VSTM2B: variants seen among roughly 807,000 people sequenced by gnomAD.
The protein encoded by VSTM2B is V-set and transmembrane domain containing 2B.
VSTM2B carries 24 observed loss-of-function variants against 24.0 expected under a neutral mutation model. The observed-to-expected ratio is 1.00, with a 90% CI of 0.72 to 1.40. The LOEUF is 1.40. Among genes scored for constraint, VSTM2B ranks in the 40% most tolerant of loss-of-function variants. The probability of loss-of-function intolerance (pLI) is 0.00; values close to 1 mark genes in which losing one functional copy is unlikely to be tolerated. For missense variants in VSTM2B, 399 were observed against 416.4 expected (o/e 0.96, Z 0.36); for synonymous variants, 226 against 194.4 (o/e 1.16, Z -1.35).
rs61731469 is a variant in VSTM2B at position 29,529,845 on chromosome 19, C to T, written c.324C>T (p.Ile108=). 40,632 of 1,550,030 alleles carry T rather than the reference C, an allele frequency of 0.026. 826 individuals are homozygous for T. Among genetic ancestry groups the T allele is most frequent in the African/African-American group, 0.08 (5,861 of 73,138 alleles). Residue 108 remains isoleucine, a synonymous_variant, in exon 4 of 5, where the codon ATC becomes ATT. Transcript: ENST00000335523. ...CCGTACGCGTCCAGGGCAATGACAT[C>T]TCACACCGGCTTCGGCTGTCTGCCG... The part of the protein sequence containing the change: ...ISTVRVQGND[I]SHRLRLSAVR...
At chr19:29,528,650 G>A (rs1219962817) in intron 3 of VSTM2B, among the ~76,000 whole-genome samples, 188 bp downstream of exon 3, 1 of 152,230 alleles carries the variant, frequency 6.6e-6, no homozygotes, top group Non-Finnish European at 1.5e-5. Flanking sequence ...GCAGGGTCGG[G>A]TTCTCTTTTG....
At chr19:29,531,874 G>T (rs560396512) in intron 4 of VSTM2B, among the ~76,000 whole-genome samples, 14 of 152,278 alleles carry the variant, frequency 9.2e-5, no homozygotes, top group Non-Finnish European at 1.9e-4. Flanking sequence ...GCATGTGGCG[G>T]CTCTGTTCCA....
At chr19:29,560,593 G>A (rs79443191) in intron 4 of VSTM2B, among the ~76,000 whole-genome samples, 71 of 152,260 alleles carry the variant, frequency 4.7e-4, no homozygotes, top group African/African-American at 1.7e-3. Context: ...CAGACCCTGG[G>A]TGAACCCTCC....
intron 4 of VSTM2B, among the ~76,000 whole-genome samples, chr19:29,534,906 G>A (rs1054208124): frequency 2.6e-5 from 4 of 152,078 alleles, no homozygotes; most frequent in East Asian, 1.9e-4. Flanking sequence ...GTAATGCCAC[G>A]AAGGAGAGAG....
chr19:29,534,994 C>A (rs1568439383), intron 4 of VSTM2B, among the ~76,000 whole-genome samples: 2 of 152,200 alleles, frequency 1.3e-5, no homozygotes, highest in Admixed American at 1.3e-4. Flanking sequence ...ACATGTGTAC[C>A]TAATACACCC....
rs1969706142 is a variant in VSTM2B at position 29,530,146 on chromosome 19, GC to G, written c.627del (p.Ala210ProfsTer64). On this transcript the variant is annotated frameshift_variant, in exon 4 of 5. Coordinates refer to ENST00000335523, the MANE Select transcript of VSTM2B (RefSeq NM_001146339.2). LOFTEE classifies it high-confidence loss of function. ...GAGCCCGCCGCCCGGGAGCCCTCCC[GC>G]CGCCATCGATCCCGCAGTCCCCGAG... ...DKSPPPGSPPAAIDPAVPEAA... is the reference protein window; with the variant it reads ...DKSPPPGSPPXAIDPAVPEAA... 7 of 1,468,766 alleles carry G rather than the reference GC, an allele frequency of 4.8e-6. No homozygotes were observed. The African/African-American group carries it at 7.4e-5, about 15-fold the overall frequency. 91.0% of individuals were successfully genotyped at this position (1,468,766 alleles called of 1,614,324 possible).
chr19:29,563,636 G>T (rs1349344959), intron 4 of VSTM2B, among the ~76,000 whole-genome samples: 1 of 152,130 alleles, frequency 6.6e-6, no homozygotes, highest in Admixed American at 6.5e-5. Context: ...ATCTCACTAG[G>T]ATCCTAAAGT....
At chr19:29,542,101 G>C (rs1234727199) in intron 4 of VSTM2B, among the ~76,000 whole-genome samples, 2 of 151,368 alleles carry the variant, frequency 1.3e-5, no homozygotes, top group Non-Finnish European at 2.9e-5. Context: ...TGGGTGAATG[G>C]ATGGGAGAAT....
chr19:29,537,395 T>C (rs1023593843), intron 4 of VSTM2B, among the ~76,000 whole-genome samples: 3 of 152,132 alleles, frequency 2.0e-5, no homozygotes, highest in African/African-American at 7.2e-5. Context: ...AGCAGCACCC[T>C]CGGTGACCGC....
chr19:29,548,742 G>A (rs769995475), intron 4 of VSTM2B, among the ~76,000 whole-genome samples: 1 of 152,166 alleles, frequency 6.6e-6, no homozygotes, highest in Non-Finnish European at 1.5e-5. Flanking sequence ...GTGGGAGCTA[G>A]GAGAGCCAGC....
In VSTM2B at chr19:29,557,673, T is replaced by A. The variant is rs527274590; in HGVS notation, c.770-6173T>A. ...GAGATGGTGCCATTGCACTCCAGCC[T>A]GGGCAACAAGAGCAAAACTCCATCT... On this transcript the variant is annotated intron_variant, in intron 4 of 4. Transcript: ENST00000335523. 1.5e-3 allele frequency among the ~76,000 whole-genome samples: 228 copies of A among 148,692 alleles called. 1 individual carries two copies. The highest frequency in any genetic ancestry group is 5.2e-3 in the African/African-American group (210 of 40,144).
rs58540469 is a variant in VSTM2B at position 29,544,525 on chromosome 19, C to CAAAAAAAA, written c.769+14259_769+14266dup. ...TGGGCGAAAGAGCGAGACTCTGTCT[C>CAAAAAAAA]AAAAAAAAAAAAAAAAAAAAAAAAA... On this transcript the variant is annotated intron_variant, in intron 4 of 4. Coordinates refer to ENST00000335523, the MANE Select transcript of VSTM2B (RefSeq NM_001146339.2). Among the ~76,000 whole-genome samples, 32 of 54,358 alleles carry CAAAAAAAA rather than the reference C, an allele frequency of 5.9e-4. 2 individuals are homozygous for CAAAAAAAA. Among genetic ancestry groups the CAAAAAAAA allele is most frequent in the African/African-American group, 2.1e-3 (27 of 12,992 alleles). 35.7% of individuals were successfully genotyped at this position (54,358 alleles called of 152,430 possible).
chr19:29,528,779 G>A (rs921128436), intron 3 of VSTM2B, among the ~76,000 whole-genome samples: 17 of 152,370 alleles, frequency 1.1e-4, no homozygotes, highest in African/African-American at 3.6e-4. Flanking sequence ...CCGCTCTGCG[G>A]GCATTCCTCC....
At chr19:29,556,178 C>T (rs1043528959) in intron 4 of VSTM2B, among the ~76,000 whole-genome samples, 1 of 151,880 alleles carries the variant, frequency 6.6e-6, no homozygotes, top group Non-Finnish European at 1.5e-5. Context: ...AAAATACTGG[C>T]ACACCAAATC....
chr19:29,559,975 C>T (rs1167774531), intron 4 of VSTM2B, among the ~76,000 whole-genome samples: 1 of 152,094 alleles, frequency 6.6e-6, no homozygotes, highest in African/African-American at 2.4e-5. Context: ...ATTCATGTGT[C>T]TATGATCGGC....
intron 4 of VSTM2B, among the ~76,000 whole-genome samples, chr19:29,533,105 G>A (rs1020700966): frequency 1.3e-5 from 2 of 152,322 alleles, no homozygotes; most frequent in South Asian, 2.1e-4. Context: ...CTCATCCAGG[G>A]AAGGTGGGCC....
intron 4 of VSTM2B, among the ~76,000 whole-genome samples, chr19:29,547,294 G>T (rs1970177578): frequency 6.6e-6 from 1 of 152,126 alleles, no homozygotes; most frequent in African/African-American, 2.4e-5. Flanking sequence ...CAGGCCTGGG[G>T]CAAATCACTT....
At chr19:29,542,820 G>A (rs1970056054) in intron 4 of VSTM2B, among the ~76,000 whole-genome samples, 1 of 152,118 alleles carries the variant, frequency 6.6e-6, no homozygotes, top group Non-Finnish European at 1.5e-5. Flanking sequence ...TAAGGTTGGA[G>A]TTTCCAGCAA....
rs953441213 is a variant in VSTM2B at position 29,563,981 on chromosome 19, C to T, written c.*47C>T. On this transcript the variant is annotated 3_prime_UTR_variant, in exon 5 of 5. Transcript: ENST00000335523. ...TCTCAGAGGCCGCACATGACCTGCC[C>T]GGGGCCCTCGGTGAGGACCATGTCG... 32 of 1,487,302 alleles carry T rather than the reference C, an allele frequency of 2.2e-5. No homozygotes were observed. The highest frequency in any genetic ancestry group is 2.7e-5 in the Non-Finnish European group (29 of 1,088,522). The allele number at this position is 1,487,302 out of a possible 1,614,324, so 92.1% of individuals were successfully genotyped here.
Sources: allele counts gnomAD v4.1 joint callset (sites outside exome capture counted in the v4.1 genomes callset), GRCh38; gene constraint gnomAD v4.1.1; transcripts MANE v1.5; gene names NCBI Gene and HGNC (gene_info 2026-07-23, HGNC 2026-07-21).